Variants in NAV3 observed in about 807,000 individuals in gnomAD.
NAV3 encodes neuron navigator 3, also known as pore membrane and/or filament interacting like protein 1.
In NAV3, 87 loss-of-function variants were observed where a neutral mutation model predicts 244.7. The ratio of observed to expected loss-of-function variants is 0.36; its 90% confidence interval spans 0.30 to 0.42. The LOEUF (loss-of-function observed/expected upper bound fraction) is 0.42. NAV3 is among the 20% of genes least tolerant of loss of function. NAV3 has a pLI of 1.00. For synonymous variants in NAV3, 1,126 were observed against 1,042.2 expected (o/e 1.08, Z -1.55); for missense variants, 2,663 against 2,893.3 (o/e 0.92, Z 1.83).
intron 2 of NAV3, among the ~76,000 whole-genome samples, chr12:77,615,604 C>T (rs945181396): frequency 2.6e-5 from 4 of 152,108 alleles, no homozygotes; most frequent in Non-Finnish European, 5.9e-5. Context: ...CCACATTCTC[C>T]TGATAAAGTC....
chr12:77,821,120 T>C (rs1482096520), intron 2 of NAV3, among the ~76,000 whole-genome samples: 1 of 151,554 alleles, frequency 6.6e-6, no homozygotes, highest in Non-Finnish European at 1.5e-5. Flanking sequence ...CACAGCTGTT[T>C]TGAAATATCC....
intron 1 of NAV3, among the ~76,000 whole-genome samples, chr12:77,848,182 A>G (rs904570005): frequency 2.0e-5 from 3 of 152,204 alleles, no homozygotes; most frequent in South Asian, 4.1e-4. Flanking sequence ...TGCTGCAAAG[A>G]TGTGATTTAG....
chr12:77,920,855 G>A (rs1887643562), intron 1 of NAV3, among the ~76,000 whole-genome samples: 3 of 152,030 alleles, frequency 2.0e-5, no homozygotes, highest in Admixed American at 2.0e-4. Flanking sequence ...TGACTGATTC[G>A]TCCTGTGAAT....
chr12:78,077,521 A>G (rs534652805), intron 12 of NAV3, among the ~76,000 whole-genome samples: 24 of 152,110 alleles, frequency 1.6e-4, no homozygotes, highest in Non-Finnish European at 2.9e-4. Flanking sequence ...TAGTTTGCTG[A>G]CTCCCATGGT....
intron 9 of NAV3, among the ~76,000 whole-genome samples, chr12:78,045,549 TC>T (rs1881643387): frequency 6.6e-6 from 1 of 152,146 alleles, no homozygotes; most frequent in South Asian, 2.1e-4. Context: ...CACCTCAGCC[TC>T]CCAAAGTGCT....
intron 2 of NAV3, among the ~76,000 whole-genome samples, chr12:77,806,298 C>T (rs1871976400): frequency 6.6e-6 from 1 of 152,178 alleles, no homozygotes; most frequent in Non-Finnish European, 1.5e-5. Context: ...CTCCTGGGTG[C>T]ATTTAGTGCT....
intron 39 of NAV3, among the ~76,000 whole-genome samples, chr12:78,206,234 T>TA (rs1468386047): frequency 1.3e-5 from 2 of 152,272 alleles, no homozygotes; most frequent in East Asian, 3.9e-4. Context: ...ATATCTTCCT[T>TA]AAGAGCCCAG....
Position 78,022,467 on chromosome 12 carries a change from C to T in NAV3, c.2023+605C>T, listed in dbSNP as rs1288499299. Among the ~76,000 whole-genome samples the T allele has an allele frequency of 3.9e-5, 6 of 152,020 alleles. No individual in the cohort carries two copies. The South Asian group carries it at 6.2e-4, about 16-fold the overall frequency. Reference sequence around the variant, plus strand: ...ATTTCATTACATATAGATCTATATTCGTGAGGAATCAAGTAACCTCCTAGC... The same window carrying T: ...ATTTCATTACATATAGATCTATATTTGTGAGGAATCAAGTAACCTCCTAGC... On this transcript the variant is annotated intron_variant, in intron 9 of 39. Coordinates refer to ENST00000397909, the MANE Select transcript of NAV3 (RefSeq NM_001024383.2).
intron 3 of NAV3, among the ~76,000 whole-genome samples, chr12:77,947,176 A>G (rs1890430887): frequency 6.6e-6 from 1 of 152,074 alleles, no homozygotes; most frequent in African/African-American, 2.4e-5. Context: ...TTTACTGCCT[A>G]TCTGATTCCA....
At chr12:77,717,397 T>C (rs1876410276) in intron 2 of NAV3, among the ~76,000 whole-genome samples, 2 of 152,132 alleles carry the variant, frequency 1.3e-5, no homozygotes, top group African/African-American at 4.8e-5. Context: ...AACTGGCTTA[T>C]TTCACTTATC....
At chr12:77,599,224 A>T (rs1870310022) in intron 2 of NAV3, among the ~76,000 whole-genome samples, 1 of 151,972 alleles carries the variant, frequency 6.6e-6, no homozygotes, top group South Asian at 2.1e-4. Flanking sequence ...GCTGCACAAT[A>T]TTCAATATTC....
chr12:78,139,241 G>C (rs1030185954), intron 19 of NAV3, among the ~76,000 whole-genome samples: 1 of 151,784 alleles, frequency 6.6e-6, no homozygotes, highest in Admixed American at 6.6e-5. Flanking sequence ...GTTCTTCCTG[G>C]TATCCTTCAA....
At chr12:78,207,440 T>TA (rs1173978688) in intron 39 of NAV3, among the ~76,000 whole-genome samples, 1 of 152,162 alleles carries the variant, frequency 6.6e-6, no homozygotes, top group Non-Finnish European at 1.5e-5. Flanking sequence ...TCAAGAAGCT[T>TA]AAAATCCAGT....
Position 78,118,117 on chromosome 12 carries a change from C to T in NAV3, c.2860C>T (p.His954Tyr), listed in dbSNP as rs1260625900. 1.9e-6 allele frequency: 3 copies of T among 1,614,008 alleles called. No individual in the cohort carries two copies. In the Admixed American group the frequency reaches 5.0e-5, roughly 27 times the overall value. ...LKKPEEDFDS[H>Y]GDAGGKWKTV... ...AAAACCAGAAGAAGATTTTGACAGC[C>T]ATGGGGATGCTGGTGGCAAGTGGAA... The change falls in exon 14 of 40, where the codon CAT (histidine) becomes TAT (tyrosine). Residue 954 changes from histidine to tyrosine, a missense_variant. Transcript: ENST00000397909.
At chr12:77,943,845 G>A (rs892184816) in intron 3 of NAV3, among the ~76,000 whole-genome samples, 3 of 152,060 alleles carry the variant, frequency 2.0e-5, no homozygotes, top group African/African-American at 7.2e-5. Flanking sequence ...TTTTAATCAC[G>A]AATTGTTTTT....
intron 5 of NAV3, among the ~76,000 whole-genome samples, chr12:77,974,374 C>T (rs1268930509): frequency 3.3e-5 from 5 of 151,914 alleles, no homozygotes; most frequent in African/African-American, 9.7e-5. Flanking sequence ...CTCTGCCTCC[C>T]GAGTTCAAGC....
intron 2 of NAV3, among the ~76,000 whole-genome samples, chr12:77,620,143 G>T (rs1037849917): frequency 2.0e-5 from 3 of 152,124 alleles, no homozygotes; most frequent in African/African-American, 7.2e-5. Context: ...CTGAGATTCA[G>T]CTTTTACCTC....
At chr12:77,905,274 A>C (rs939295935) in intron 1 of NAV3, among the ~76,000 whole-genome samples, 7 of 152,120 alleles carry the variant, frequency 4.6e-5, no homozygotes, top group African/African-American at 7.2e-5. Flanking sequence ...TATTACTAGC[A>C]GTATTTAAGT....
chr12:78,114,615 A>T (rs369148290), intron 12 of NAV3, among the ~76,000 whole-genome samples: 1 of 152,178 alleles, frequency 6.6e-6, no homozygotes, highest in African/African-American at 2.4e-5. Flanking sequence ...AACCATGTCC[A>T]TGATTCCATT....
Sources: gnomAD v4.1 joint callset for allele counts (sites outside exome capture counted in the v4.1 genomes callset) on GRCh38, gnomAD v4.1.1 for gene constraint, MANE v1.5 for transcripts, NCBI Gene and HGNC (gene_info 2026-07-23, HGNC 2026-07-21) for gene names.